CSMD1: variants seen among roughly 807,000 people sequenced by gnomAD.
The protein encoded by CSMD1 is CUB and sushi domain-containing protein 1.
In CSMD1, 213 loss-of-function variants were observed where a neutral mutation model predicts 417.5. The ratio of observed to expected loss-of-function variants is 0.51; its 90% confidence interval spans 0.46 to 0.57. The LOEUF (loss-of-function observed/expected upper bound fraction) is 0.57. CSMD1 is among the 20% of genes least tolerant of loss of function. The pLI, the probability that CSMD1 is intolerant of heterozygous loss-of-function variation, is 0.00. For missense variants in CSMD1, 6,923 were observed against 4,529.7 expected, an observed-to-expected ratio of 1.53 and a Z score of -15.17; for synonymous variants, 2,862 against 1,736.8, an observed-to-expected ratio of 1.65 and a Z score of -16.11.
chr8:3,039,786 G>C (rs1186875618), intron 50 of CSMD1, among the ~76,000 whole-genome samples: 5 of 152,120 alleles, frequency 3.3e-5, no homozygotes, highest in Non-Finnish European at 7.3e-5. Flanking sequence ...CCAGAGATTA[G>C]ACTTAATTTA....
At chr8:3,895,737 T>C (rs1563187438) in intron 5 of CSMD1, among the ~76,000 whole-genome samples, 1 of 152,242 alleles carries the variant, frequency 6.6e-6, no homozygotes, top group Non-Finnish European at 1.5e-5. Context: ...CTTTCACTTA[T>C]TTATTCATTC....
At chr8:3,753,480 T>C (rs1797470928) in intron 6 of CSMD1, among the ~76,000 whole-genome samples, 1 of 152,240 alleles carries the variant, frequency 6.6e-6, no homozygotes, top group African/African-American at 2.4e-5. Flanking sequence ...AGATTCATTG[T>C]GTGTAAATTA....
At chr8:3,942,540 T>A (rs899481902) in intron 5 of CSMD1, among the ~76,000 whole-genome samples, 1 of 152,140 alleles carries the variant, frequency 6.6e-6, no homozygotes, top group East Asian at 1.9e-4. Context: ...CACCGGTGCA[T>A]GAGGACTGAA....
intron 3 of CSMD1, among the ~76,000 whole-genome samples, chr8:4,128,870 G>T (rs7826860): frequency 6.6e-6 from 1 of 151,848 alleles, no homozygotes; most frequent in Non-Finnish European, 1.5e-5. Flanking sequence ...CTGTGCATGC[G>T]CTGTATCATG....
intron 5 of CSMD1, among the ~76,000 whole-genome samples, chr8:3,960,214 T>C (rs1812230613): frequency 6.6e-6 from 1 of 152,210 alleles, no homozygotes; most frequent in African/African-American, 2.4e-5. Flanking sequence ...ATGGAATCTA[T>C]TTCTAAGAAA....
intron 10 of CSMD1, among the ~76,000 whole-genome samples, chr8:3,570,017 G>A (rs887717757): frequency 2.1e-4 from 32 of 152,136 alleles, no homozygotes; most frequent in African/African-American, 7.5e-4. Context: ...CTGCATAAGT[G>A]TACACAAAGA....
Position 4,994,356 on chromosome 8 carries a change from C to A in CSMD1, c.61G>T (p.Ala21Ser), listed in dbSNP as rs753039105. 1.9e-6 allele frequency: 3 copies of A among 1,611,424 alleles called. No homozygotes were observed. Among genetic ancestry groups the A allele is most frequent in the East Asian group, 2.2e-5 (1 of 44,860 alleles). The change falls in exon 1 of 70, where the codon GCG (alanine) becomes TCG (serine). Residue 21 changes from alanine to serine, a missense_variant. Ala to Ser is a moderately conservative substitution (Grantham distance 99, BLOSUM62 1). Coordinates refer to ENST00000635120, the MANE Select transcript of CSMD1 (RefSeq NM_033225.6). ...LLLLGLLVLC[A>S]RLLTAAKGQN... ...CCCTTCGCTGCAGTGAGGAGCCTCG[C>A]GCACAGCACCAGCAGCCCGAGAAGC... is the stretch of plus-strand genomic sequence containing the variant.
At chr8:4,181,139 A>G (rs917319551) in intron 3 of CSMD1, among the ~76,000 whole-genome samples, 9 of 152,194 alleles carry the variant, frequency 5.9e-5, no homozygotes, top group African/African-American at 9.7e-5. Flanking sequence ...CGAAACAGCC[A>G]TCTATTTTGG....
intron 3 of CSMD1, among the ~76,000 whole-genome samples, chr8:4,154,133 C>T (rs192586730): frequency 6.6e-6 from 1 of 152,268 alleles, no homozygotes; most frequent in African/African-American, 2.4e-5. Context: ...TCTGCGACAG[C>T]TGAGGGTGAG....
At chr8:4,397,826 G>A (rs79624526) in intron 3 of CSMD1, among the ~76,000 whole-genome samples, 5,736 of 151,760 alleles carry the variant, frequency 0.038, 283 homozygotes, top group African/African-American at 0.12. Context: ...ATTTATAATC[G>A]GAAAATAATG....
At chr8:4,635,475 T>C (rs1400154132) in intron 2 of CSMD1, among the ~76,000 whole-genome samples, 1 of 152,160 alleles carries the variant, frequency 6.6e-6, no homozygotes, top group African/African-American at 2.4e-5. Context: ...AAGACAGGTT[T>C]TCTATATATG....
chr8:4,340,066 C>T (rs760827959), intron 3 of CSMD1, among the ~76,000 whole-genome samples: 48 of 152,150 alleles, frequency 3.2e-4, no homozygotes, highest in Non-Finnish European at 3.8e-4. Context: ...TTAGGACTGA[C>T]TCTGGTAACG....
intron 7 of CSMD1, among the ~76,000 whole-genome samples, chr8:3,699,730 T>G (rs1320301719): frequency 6.6e-6 from 1 of 152,224 alleles, no homozygotes; most frequent in African/African-American, 2.4e-5. Flanking sequence ...GCTGATCATC[T>G]TTATGACAGC....
chr8:3,982,376 C>T (rs942407688), intron 5 of CSMD1, among the ~76,000 whole-genome samples: 1 of 151,546 alleles, frequency 6.6e-6, no homozygotes, highest in Non-Finnish European at 1.5e-5. Context: ...GTACAAACCT[C>T]CATGGTTGTT....
intron 9 of CSMD1, among the ~76,000 whole-genome samples, chr8:3,582,927 G>A (rs1304640430): frequency 6.6e-6 from 1 of 152,182 alleles, no homozygotes; most frequent in East Asian, 1.9e-4. Flanking sequence ...AGGTGCTCCT[G>A]TGAAGGGATT....
chr8:4,715,656 A>G lies in CSMD1; in HGVS notation c.86-78098T>C, dbSNP rs535483185. Reference sequence around the variant, plus strand: ...TTCCCTTCAAAATCATTTCTCTTCCAGATTCATCTTAATTTTGGCAACTGT... The same window carrying G: ...TTCCCTTCAAAATCATTTCTCTTCCGGATTCATCTTAATTTTGGCAACTGT... On this transcript the variant is annotated intron_variant, in intron 1 of 69. Coordinates refer to ENST00000635120, the MANE Select transcript of CSMD1 (RefSeq NM_033225.6). 2.6e-5 allele frequency among the ~76,000 whole-genome samples: 4 copies of G among 152,256 alleles called. No homozygotes were observed. The East Asian group carries it at 7.7e-4, about 29-fold the overall frequency.
chr8:4,797,353 G>A (rs915984777), intron 1 of CSMD1, among the ~76,000 whole-genome samples: 1 of 152,194 alleles, frequency 6.6e-6, no homozygotes, highest in South Asian at 2.1e-4. Flanking sequence ...GCAGGAGAAA[G>A]GGAGCATCTG....
intron 18 of CSMD1, among the ~76,000 whole-genome samples, chr8:3,387,227 G>C (rs189211878): frequency 6.6e-6 from 1 of 152,282 alleles, no homozygotes; most frequent in African/African-American, 2.4e-5. Context: ...AATACCATAT[G>C]TAAAACACAT....
chr8:4,805,792 T>C (rs1045226410), intron 1 of CSMD1, among the ~76,000 whole-genome samples: 3 of 152,136 alleles, frequency 2.0e-5, no homozygotes, highest in African/African-American at 7.2e-5. Flanking sequence ...GGTGAACACG[T>C]TGAGATGAAA....
Sources: allele counts gnomAD v4.1 joint callset (sites outside exome capture counted in the v4.1 genomes callset), GRCh38; gene constraint gnomAD v4.1.1; transcripts MANE v1.5; gene names NCBI Gene and HGNC (gene_info 2026-07-23, HGNC 2026-07-21).